The following CYP20A1 variants were observed in gnomAD, a reference collection of about 807,000 sequenced individuals.
The protein encoded by CYP20A1 is cytochrome P450 20A1.
Under a neutral mutation model 61.4 loss-of-function variants are expected in CYP20A1, and 61 were observed. That is an observed-to-expected ratio of 0.99 (90% CI 0.81 to 1.23). The LOEUF (loss-of-function observed/expected upper bound fraction) is 1.23, where lower values mean the gene tolerates loss of function less well. CYP20A1 is among the 50% of genes most tolerant of loss of function. The pLI, the probability that CYP20A1 is intolerant of heterozygous loss-of-function variation, is 0.00. For missense variants in CYP20A1, 530 were observed against 542.4 expected (o/e 0.98, Z 0.23); for synonymous variants, 193 against 188.2 (o/e 1.03, Z -0.21).
chr2:203,239,678 C>G (rs1381225317), intron 1 of CYP20A1, among the ~76,000 whole-genome samples: 2 of 152,174 alleles, frequency 1.3e-5, no homozygotes, highest in African/African-American at 2.4e-5. Context: ...CAGGCAAATG[C>G]TTCTTTGGGG....
intron 8 of CYP20A1, among the ~76,000 whole-genome samples, chr2:203,284,858 A>G (rs2068201352): frequency 6.8e-6 from 1 of 146,220 alleles, no homozygotes; most frequent in African/African-American, 2.6e-5. Context: ...TGATCATCCC[A>G]TCTCAGTCTC....
At chr2:203,261,318 G>A (rs1158225887) in intron 4 of CYP20A1, among the ~76,000 whole-genome samples, 1 of 152,122 alleles carries the variant, frequency 6.6e-6, no homozygotes, top group East Asian at 1.9e-4. Context: ...AGCACTTGGA[G>A]AGGCTGAGGT....
chr2:203,305,652 A>G lies in CYP20A1; in HGVS notation c.*8744A>G, dbSNP rs1008433588. On this transcript the variant is annotated 3_prime_UTR_variant, in exon 13 of 13. Coordinates refer to ENST00000356079, the MANE Select transcript of CYP20A1 (RefSeq NM_177538.3). ...AAAAACATATTTATCTACATCTAAA[A>G]TACTTATTTTAATTTTAAACACTTG... 1.3e-5 allele frequency: 2 copies of G among 152,226 alleles called. No individual in the cohort carries two copies. The highest frequency in any genetic ancestry group is 1.5e-5 in the Non-Finnish European group (1 of 68,052). The allele number at this position is 152,226 out of a possible 1,614,324, so 9.4% of individuals were successfully genotyped here.
At chr2:203,285,488 C>T (rs890484329) in intron 8 of CYP20A1, 124 bp from the exon 9 acceptor site, 7 of 1,087,492 alleles carry the variant, frequency 6.4e-6, no homozygotes, top group Non-Finnish European at 8.8e-6. Context: ...TATATATCTT[C>T]TATATCATGG....
Position 203,305,326 on chromosome 2 carries a change from G to T in CYP20A1, c.*8418G>T, listed in dbSNP as rs779516794. On this transcript the variant is annotated 3_prime_UTR_variant, in exon 13 of 13. Coordinates refer to ENST00000356079, the MANE Select transcript of CYP20A1 (RefSeq NM_177538.3). ...AGTAATTCTCCTGCCTCAGCCTGCC[G>T]AGTAGCTGGGACTACAGTCGCACGC... 6.7e-6 allele frequency: 1 copy of T among 150,028 alleles called. No homozygotes were observed. Among genetic ancestry groups the T allele is most frequent in the Admixed American group, 6.7e-5 (1 of 14,822 alleles). 9.3% of individuals were successfully genotyped at this position (150,028 alleles called of 1,614,324 possible). A position where few individuals can be genotyped will look rare whatever the true frequency, so the allele number is the denominator to read the frequency against.
intron 6 of CYP20A1, among the ~76,000 whole-genome samples, chr2:203,276,445 G>T (rs1049582623): frequency 6.6e-6 from 1 of 152,116 alleles, no homozygotes; most frequent in Non-Finnish European, 1.5e-5. Context: ...TTAGAAGGCT[G>T]CTGCAATAAA....
Position 203,305,697 on chromosome 2 carries a change from TG to T in CYP20A1, c.*8790del, listed in dbSNP as rs1427748931. On this transcript the variant is annotated 3_prime_UTR_variant, in exon 13 of 13. Transcript: ENST00000356079. ...CACTTGATGGTATGAAATGAAATTT[TG>T]TTACTTTACCATTGTAACTATGTCA... 6.6e-6 allele frequency: 1 copy of T among 152,362 alleles called. No individual in the cohort carries two copies. The highest frequency in any genetic ancestry group is 2.4e-5 in the African/African-American group (1 of 41,590). The allele number at this position is 152,362 out of a possible 1,614,324, so 9.4% of individuals were successfully genotyped here.
At position 203,246,776 on chromosome 2, in the gene CYP20A1, T is replaced by G. The variant is rs1299620037; in HGVS notation, c.144T>G (p.Ile48Met). 1 of 1,614,046 alleles carries G rather than the reference T, an allele frequency of 6.2e-7. No homozygotes were observed. The highest frequency in any genetic ancestry group is 1.3e-5 in the African/African-American group (1 of 75,038). The stretch of plus-strand genomic sequence containing the variant: ...CCAGAGATGGTAATCTTCCAGATAT[T>G]GTGAATAGTGGAAGTTTGCATGAGT... ...TEEKDGNLPD[I>M]VNSGSLHEFL... Residue 48 changes from isoleucine (I) to methionine (M), a missense_variant, in exon 3 of 13, where the codon ATT (isoleucine) becomes ATG (methionine). Coordinates refer to ENST00000356079, the MANE Select transcript of CYP20A1 (RefSeq NM_177538.3).
chr2:203,262,541 G>A (rs997499042), intron 4 of CYP20A1, among the ~76,000 whole-genome samples: 4 of 151,564 alleles, frequency 2.6e-5, no homozygotes, highest in Non-Finnish European at 5.9e-5. Flanking sequence ...TGCTTTCATT[G>A]GTTAACTTGC....
intron 11 of CYP20A1, among the ~76,000 whole-genome samples, chr2:203,294,685 A>G (rs2068698052): frequency 1.3e-5 from 2 of 151,320 alleles, no homozygotes; most frequent in African/African-American, 4.9e-5. Flanking sequence ...GCCAGGCTGG[A>G]GTGCAGTGGT....
intron 7 of CYP20A1, 30 bp downstream of exon 7, chr2:203,278,718 A>C (rs1418845053): frequency 7.8e-7 from 1 of 1,285,356 alleles, no homozygotes; most frequent in South Asian, 1.4e-5. Context: ...TTTATCAGGT[A>C]AAAAAATAAG....
At chr2:203,239,267 T>G (rs919318550) in intron 1 of CYP20A1, 133 bp downstream of exon 1, 16 of 747,580 alleles carry the variant, frequency 2.1e-5, no homozygotes, top group Non-Finnish European at 3.6e-5. Context: ...GCTCCAGAGC[T>G]TCAGCGCGGG....
At chr2:203,264,720 T>A (rs2067259283) in intron 4 of CYP20A1, among the ~76,000 whole-genome samples, 1 of 152,074 alleles carries the variant, frequency 6.6e-6, no homozygotes, top group Non-Finnish European at 1.5e-5. Context: ...CTTTTATATT[T>A]TTTTTATATT....
In CYP20A1 at chr2:203,296,796, T is replaced by TATA; in HGVS notation, c.1277_1278insATA (p.Leu426_Val427insTer). ...GTGACCACAGTACTTCTTAGTGTAT[T>TATA]GGTGAAGAGACTGCACCTACTTTCT... On this transcript the variant is annotated stop_gained and inframe_insertion, in exon 13 of 13. Coordinates refer to ENST00000356079, the MANE Select transcript of CYP20A1 (RefSeq NM_177538.3). LOFTEE classifies it high-confidence loss of function. 1 of 1,606,146 alleles carries TATA rather than the reference T, an allele frequency of 6.2e-7. No homozygotes were observed. Among genetic ancestry groups the TATA allele is most frequent in the South Asian group, 1.1e-5 (1 of 89,068 alleles).
At chr2:203,285,810 A>C (rs571094247) in intron 9 of CYP20A1, 78 bp downstream of exon 9, 1 of 1,286,244 alleles carries the variant, frequency 7.8e-7, no homozygotes, top group Non-Finnish European at 1.0e-6. Flanking sequence ...TATTGTTGCT[A>C]TCTAGGAAAG....
At chr2:203,254,984 C>T (rs1434886732) in intron 4 of CYP20A1, among the ~76,000 whole-genome samples, 2 of 151,578 alleles carry the variant, frequency 1.3e-5, no homozygotes, top group Non-Finnish European at 2.9e-5. Context: ...GAGTGAGACT[C>T]CGTCTCCAAA....
intron 6 of CYP20A1, among the ~76,000 whole-genome samples, chr2:203,275,583 A>G (rs1178158171): frequency 1.3e-5 from 2 of 151,808 alleles, no homozygotes; most frequent in Admixed American, 6.6e-5. Context: ...GGGATTACAG[A>G]CGCCTGCCGC....
In CYP20A1 at chr2:203,297,712, T is replaced by G. The variant is rs1559111965; in HGVS notation, c.*804T>G. 6.6e-6 allele frequency: 1 copy of G among 150,980 alleles called. No homozygotes were observed. The highest frequency in any genetic ancestry group is 1.5e-5 in the Non-Finnish European group (1 of 67,834). The allele number at this position is 150,980 out of a possible 1,614,324, so 9.4% of individuals were successfully genotyped here. A position where few individuals can be genotyped will look rare whatever the true frequency, so the allele number is the denominator to read the frequency against. ...CAGAAAATTGGCCGGGTGCGGTGGC[T>G]CACCCCTGTAATCCCAGTACTTTGG... On this transcript the variant is annotated 3_prime_UTR_variant, in exon 13 of 13. Transcript: ENST00000356079.
chr2:203,249,195 A>C (rs1181995937), intron 3 of CYP20A1, among the ~76,000 whole-genome samples: 1 of 152,254 alleles, frequency 6.6e-6, no homozygotes, highest in Non-Finnish European at 1.5e-5. Flanking sequence ...ATCTGTCTAC[A>C]TAAAAATGAA....
Sources: allele counts gnomAD v4.1 joint callset (sites outside exome capture counted in the v4.1 genomes callset), GRCh38; gene constraint gnomAD v4.1.1; transcripts MANE v1.5; gene names NCBI Gene and HGNC (gene_info 2026-07-23, HGNC 2026-07-21).